ADAMTSL4: variants seen among roughly 807,000 people sequenced by gnomAD.
The protein encoded by ADAMTSL4 is ADAMTS-like protein 4.
In ADAMTSL4, 97 loss-of-function variants were observed where a neutral mutation model predicts 122.8. The observed-to-expected ratio is 0.79, with a 90% CI of 0.67 to 0.93. ADAMTSL4 has a LOEUF of 0.93. ADAMTSL4 is among the 40% of genes least tolerant of loss of function. ADAMTSL4 has a pLI of 0.00. For missense variants in ADAMTSL4, 1,408 were observed against 1,453.5 expected (o/e 0.97, Z 0.51); for synonymous variants, 592 against 568.0 (o/e 1.04, Z -0.60).
chr1:150,558,906 T>TC lies in ADAMTSL4; in HGVS notation c.2560-53dup. ...TGCGTCCCTCCCTGCCCCCCTACTG[T>TC]CCCTTGTGCCAGTCACCAGCAGGCC... On this transcript the variant is annotated intron_variant, in intron 15 of 18. Transcript: ENST00000271643. 1.7e-5 allele frequency: 26 copies of TC among 1,554,766 alleles called. No individual in the cohort carries two copies. In the Middle Eastern group the frequency reaches 7.6e-4, roughly 46 times the overall value.
At position 150,552,172 on chromosome 1, in the gene ADAMTSL4, G is replaced by A; in HGVS notation, c.-84-33G>A. On this transcript the variant is annotated intron_variant, in intron 2 of 18. Transcript: ENST00000271643. The surrounding 1 kb of genome is among the most constrained non-coding windows in gnomAD (Gnocchi z 4.0). The stretch of plus-strand genomic sequence containing the variant: ...CCCAGCCCCAAGCTCTCTGGACACT[G>A]GAGAGGTAACCACCAGGCTTCTGTC... 1 of 1,114,444 alleles carries A rather than the reference G, an allele frequency of 9.0e-7. No individual in the cohort carries two copies. The highest frequency in any genetic ancestry group is 1.3e-6 in the Non-Finnish European group (1 of 770,324). The allele number at this position is 1,114,444 out of a possible 1,614,324, so 69.0% of individuals were successfully genotyped here.
chr1:150,555,808 C>G, intron 8 of ADAMTSL4: 1 of 631,764 alleles, frequency 1.6e-6, no homozygotes, highest in Non-Finnish European at 2.8e-6. Context: ...CGTGCATGAA[C>G]ACATGCACAC....
chr1:150,558,598 T>G lies in ADAMTSL4; in HGVS notation c.2508T>G (p.Cys836Trp). 1 of 1,613,766 alleles carries G rather than the reference T, an allele frequency of 6.2e-7. No homozygotes were observed. The highest frequency in any genetic ancestry group is 8.5e-7 in the Non-Finnish European group (1 of 1,179,906). ...CGCAGCCCCCCAGCAGAGAGGCCTG[T>G]GACATGGGGCCCTGTACTACTGCCT... ...GPPQPPSREA[C>W]DMGPCTTAWF... The change falls in exon 15 of 19, where the codon TGT (cysteine) becomes TGG (tryptophan). Residue 836 changes from cysteine (C) to tryptophan (W), a missense_variant. By Grantham distance (215) the Cys-to-Trp change is radical. Coordinates refer to ENST00000271643, the MANE Select transcript of ADAMTSL4 (RefSeq NM_019032.6).
chr1:150,556,010 C>G lies in ADAMTSL4; in HGVS notation c.1372-152C>G, dbSNP rs1672067246. 1 of 775,302 alleles carries G rather than the reference C, an allele frequency of 1.3e-6. No homozygotes were observed. The highest frequency in any genetic ancestry group is 2.2e-6 in the Non-Finnish European group (1 of 459,154). 48.0% of individuals were successfully genotyped at this position (775,302 alleles called of 1,614,324 possible). On this transcript the variant is annotated intron_variant, in intron 8 of 18. Transcript: ENST00000271643. The surrounding 1 kb of genome is among the most constrained non-coding windows in gnomAD (Gnocchi z 4.1). ...ATCTGATCGGGCACCTGTCCATGTC[C>G]CTGGGTCTGGCTGGGGATGGTGGGG...
Position 150,560,581 on chromosome 1 carries a change from C to T in ADAMTSL4, c.*385C>T. 1 of 278,842 alleles carries T rather than the reference C, an allele frequency of 3.6e-6. No homozygotes were observed. The highest frequency in any genetic ancestry group is 7.0e-6 in the Non-Finnish European group (1 of 142,190). The allele number at this position is 278,842 out of a possible 1,614,324, so 17.3% of individuals were successfully genotyped here. A position where few individuals can be genotyped will look rare whatever the true frequency, so the allele number is the denominator to read the frequency against. ...ATCTGAGCTACTTAGAGTGTGGTCTCCCCACCAACTCCAGTTTTGTGCCCT... is the reference window on the plus strand; with the variant it reads ...ATCTGAGCTACTTAGAGTGTGGTCTTCCCACCAACTCCAGTTTTGTGCCCT... On this transcript the variant is annotated 3_prime_UTR_variant, in exon 19 of 19. Transcript: ENST00000271643.
Position 150,560,111 on chromosome 1 carries a change from G to C in ADAMTSL4, c.3140G>C (p.Arg1047Pro). The change falls in exon 19 of 19, where the codon CGG becomes CCG. Residue 1047 changes from arginine to proline, a missense_variant. Arg to Pro is a moderately radical substitution (Grantham distance 103). Coordinates refer to ENST00000271643, the MANE Select transcript of ADAMTSL4 (RefSeq NM_019032.6). Reference protein sequence around the residue: ...SPHCPLVVQARLCVYPYYTAT... With the variant: ...SPHCPLVVQAPLCVYPYYTAT... Reference sequence around the variant, plus strand: ...CATTGCCCCCTGGTGGTACAGGCCCGGCTCTGCGTCTACCCCTACTACACA... The same window carrying C: ...CATTGCCCCCTGGTGGTACAGGCCCCGCTCTGCGTCTACCCCTACTACACA... 1 of 1,614,088 alleles carries C rather than the reference G, an allele frequency of 6.2e-7. No individual in the cohort carries two copies. The highest frequency in any genetic ancestry group is 8.5e-7 in the Non-Finnish European group (1 of 1,180,012).
In ADAMTSL4 at chr1:150,560,246, A is replaced by G; in HGVS notation, c.*50A>G. 1 of 1,610,696 alleles carries G rather than the reference A, an allele frequency of 6.2e-7. No individual in the cohort carries two copies. The highest frequency in any genetic ancestry group is 8.5e-7 in the Non-Finnish European group (1 of 1,178,576). ...TTTTCTGTGCCACCATCGGTCACCCATTGATCGGCCCACTCTGAACCCCCT... is the reference window on the plus strand; with the variant it reads ...TTTTCTGTGCCACCATCGGTCACCCGTTGATCGGCCCACTCTGAACCCCCT... On this transcript the variant is annotated 3_prime_UTR_variant, in exon 19 of 19. Transcript: ENST00000271643.
In ADAMTSL4 at chr1:150,557,534, G is replaced by A. The variant is rs759616077; in HGVS notation, c.2088G>A (p.Ser696=). Residue 696 remains serine, a synonymous_variant, in exon 13 of 19, where the codon TCG becomes TCA. Transcript: ENST00000271643. ...TTTTCCTCTGCATCTCCCGTGAGTCGGGAGAGGAACTGGATGAACGCAGCT... is the reference window on the plus strand; with the variant it reads ...TTTTCCTCTGCATCTCCCGTGAGTCAGGAGAGGAACTGGATGAACGCAGCT... ...RPIFLCISRE[S]GEELDERSCA... The A allele has an allele frequency of 2.6e-5, 42 of 1,611,968 alleles. No individual in the cohort carries two copies. The East Asian group carries it at 4.5e-4, about 17-fold the overall frequency.
rs754389254 is a variant in ADAMTSL4 at position 150,554,002 on chromosome 1, C to T, written c.1011C>T (p.Ala337=). ...AGCCTGACCCTCAGCACCCGGGCGC[C>T]TGGCTGCCCCTGCTGAGCAACGGCC... ...RLEPDPQHPG[A]WLPLLSNGPH... The change falls in exon 6 of 19, where the codon GCC becomes GCT. Residue 337 remains alanine (A), a synonymous_variant. Transcript: ENST00000271643. The surrounding 1 kb of genome is among the most constrained non-coding windows in gnomAD (Gnocchi z 4.0). 2.4e-5 allele frequency: 38 copies of T among 1,611,864 alleles called. No homozygotes were observed. The highest frequency in any genetic ancestry group is 2.8e-5 in the Non-Finnish European group (33 of 1,179,780).
At position 150,550,393 on chromosome 1, in the gene ADAMTSL4, GC is replaced by G. The variant is rs372630354; in HGVS notation, c.-85+502del. 74 of 443,412 alleles carry G rather than the reference GC, an allele frequency of 1.7e-4. No homozygotes were observed. The East Asian group carries it at 3.6e-3, about 21-fold the overall frequency. The allele number at this position is 443,412 out of a possible 1,614,324, so 27.5% of individuals were successfully genotyped here. ...AGAGAGGGAGCCAGGCCTGGCCCGGGCCCCGGGAGCTCACGTCACCCCCACC... is the reference window on the plus strand; with the variant it reads ...AGAGAGGGAGCCAGGCCTGGCCCGGGCCCGGGAGCTCACGTCACCCCCACC... On this transcript the variant is annotated intron_variant, in intron 2 of 18. Coordinates refer to ENST00000271643, the MANE Select transcript of ADAMTSL4 (RefSeq NM_019032.6).
Position 150,559,029 on chromosome 1 carries a change from T to TCGGGC in ADAMTSL4, c.2629_2633dup (p.Gly881AlafsTer69). ...GTCTGCCTTGGGAGTGGGGCAGCCC[T>TCGGGC]CGGGCCAGGCCAGGGGGAAGCAGGA... On this transcript the variant is annotated frameshift_variant, in exon 16 of 19. Coordinates refer to ENST00000271643, the MANE Select transcript of ADAMTSL4 (RefSeq NM_019032.6). LOFTEE classifies it high-confidence loss of function. The surrounding 1 kb of genome is among the most constrained non-coding windows in gnomAD (Gnocchi z 4.1). The TCGGGC allele has an allele frequency of 6.2e-7, 1 of 1,612,038 alleles. No individual in the cohort carries two copies. Among genetic ancestry groups the TCGGGC allele is most frequent in the Non-Finnish European group, 8.5e-7 (1 of 1,179,820 alleles).
intron 8 of ADAMTSL4, among the ~76,000 whole-genome samples, 184 bp downstream of exon 8, chr1:150,555,749 GCA>G (rs587750098): frequency 1.1e-4 from 16 of 150,976 alleles, no homozygotes; most frequent in Middle Eastern, 3.4e-3. Context: ...ACACGCATAT[GCA>G]CACACATGCA....
rs587732016 is a variant in ADAMTSL4 at position 150,559,990 on chromosome 1, C to T, written c.3089-70C>T. On this transcript the variant is annotated intron_variant, in intron 18 of 18. Coordinates refer to ENST00000271643, the MANE Select transcript of ADAMTSL4 (RefSeq NM_019032.6). The surrounding 1 kb of genome is among the most constrained non-coding windows in gnomAD (Gnocchi z 4.1). ...ATGAGAAAGGACCAGTGGGAATGGG[C>T]AGCACACCCATTCCCAGACGGGTGG... is the stretch of plus-strand genomic sequence containing the variant. 13 of 1,613,524 alleles carry T rather than the reference C, an allele frequency of 8.1e-6. No individual in the cohort carries two copies. In the East Asian group the frequency reaches 2.9e-4, roughly 36 times the overall value.
Position 150,553,571 on chromosome 1 carries a change from A to G in ADAMTSL4, c.580A>G (p.Ile194Val). 1 of 1,613,778 alleles carries G rather than the reference A, an allele frequency of 6.2e-7. No homozygotes were observed. The highest frequency in any genetic ancestry group is 1.1e-5 in the South Asian group (1 of 91,056). ...GATCTCTTCTAGAGGGGAAGAGGCT[A>G]TTCCGTCCCCTACTCCAAGAGCAGA... Reference protein sequence around the residue: ...SLISSRGEEAIPSPTPRAEPF... With the variant: ...SLISSRGEEAVPSPTPRAEPF... Residue 194 changes from isoleucine (I) to valine (V), a missense_variant, in exon 6 of 19, where the codon ATT becomes GTT. Coordinates refer to ENST00000271643, the MANE Select transcript of ADAMTSL4 (RefSeq NM_019032.6).
Position 150,560,832 on chromosome 1 carries a change from C to A in ADAMTSL4, c.*636C>A, listed in dbSNP as rs35531650. On this transcript the variant is annotated 3_prime_UTR_variant, in exon 19 of 19. Coordinates refer to ENST00000271643, the MANE Select transcript of ADAMTSL4 (RefSeq NM_019032.6). ...AAAAAGAGAAATGTGAGCATCCGCT[C>A]CCCCACCACCCCGCCCAGCCCCTAG... 3,333 of 158,430 alleles carry A rather than the reference C, an allele frequency of 0.021. 59 individuals carry two copies. The highest frequency in any genetic ancestry group is 0.034 in the Non-Finnish European group (2,407 of 71,142). 9.8% of individuals were successfully genotyped at this position (158,430 alleles called of 1,614,324 possible).
At position 150,559,408 on chromosome 1, in the gene ADAMTSL4, T is replaced by C. The variant is rs1447598120; in HGVS notation, c.2885T>C (p.Leu962Pro). ...TCTCACCTCCCCAGGCCCCCTGCCC[T>C]GCAGCCCTGTCAAGGGCAGGCCTGC... ...NCSHLPRPPALQPCQGQACQD... is the reference protein window; with the variant it reads ...NCSHLPRPPAPQPCQGQACQD... The change falls in exon 17 of 19, where the codon CTG (leucine) becomes CCG (proline). Residue 962 changes from leucine to proline, a missense_variant. Transcript: ENST00000271643. This position sits in a 1 kb window ranked among gnomAD's most constrained non-coding sequence, Gnocchi z 4.1. 2 of 1,613,436 alleles carry C rather than the reference T, an allele frequency of 1.2e-6. No individual in the cohort carries two copies. Among genetic ancestry groups the C allele is most frequent in the African/African-American group, 2.7e-5 (2 of 74,910 alleles).
chr1:150,560,927 C>A lies in ADAMTSL4; in HGVS notation c.*731C>A. ...TATTTTTTATTAAAGATGGTCATGA[C>A]AAATGAGAAATGAGCTCTTCCTTGT... On this transcript the variant is annotated 3_prime_UTR_variant, in exon 19 of 19. Coordinates refer to ENST00000271643, the MANE Select transcript of ADAMTSL4 (RefSeq NM_019032.6). 1 of 161,406 alleles carries A rather than the reference C, an allele frequency of 6.2e-6. No individual in the cohort carries two copies. Among genetic ancestry groups the A allele is most frequent in the Non-Finnish European group, 1.4e-5 (1 of 72,926 alleles). The allele number at this position is 161,406 out of a possible 1,614,324, so 10.0% of individuals were successfully genotyped here.
chr1:150,554,092 G>C lies in ADAMTSL4; in HGVS notation c.1101G>C (p.Glu367Asp). Residue 367 changes from glutamate (E) to aspartate (D), a missense_variant, in exon 6 of 19, where the codon GAG (glutamate) becomes GAC (aspartate). Transcript: ENST00000271643. This position sits in a 1 kb window ranked among gnomAD's most constrained non-coding sequence, Gnocchi z 4.0. ...GCCCTATTCCAAGATGTTCTGGGGA[G>C]AGTGAACAGCTAAGAGCCTGCAGCC... ...PSSPIPRCSG[E>D]SEQLRACSQA... 1 of 1,601,184 alleles carries C rather than the reference G, an allele frequency of 6.2e-7. No individual in the cohort carries two copies.
chr1:150,558,682 C>G (rs759339147), intron 15 of ADAMTSL4, 33 bp downstream of exon 15: 1 of 1,613,864 alleles, frequency 6.2e-7, no homozygotes, highest in Non-Finnish European at 8.5e-7. Context: ...TATCCTGCAT[C>G]CTGGGTAACC....
Sources: allele counts gnomAD v4.1 joint callset (sites outside exome capture counted in the v4.1 genomes callset), GRCh38; gene constraint gnomAD v4.1.1; non-coding constraint Gnocchi (gnomAD v3.1); transcripts MANE v1.5; gene names NCBI Gene and HGNC (gene_info 2026-07-23, HGNC 2026-07-21).